Variants in GRID1 observed in about 807,000 individuals in gnomAD.
The protein encoded by GRID1 is glutamate ionotropic receptor delta type subunit 1.
GRID1 carries 28 observed loss-of-function variants against 98.0 expected under a neutral mutation model. The observed-to-expected ratio is 0.29, with a 90% CI of 0.21 to 0.39. The LOEUF (loss-of-function observed/expected upper bound fraction) is 0.39, where lower values mean the gene tolerates loss of function less well. GRID1 is among the 10% of genes least tolerant of loss of function. GRID1 has a pLI of 1.00. For synonymous variants in GRID1, 553 were observed against 538.5 expected, an observed-to-expected ratio of 1.03 and a Z score of -0.37; for missense variants, 1,111 against 1,340.5, an observed-to-expected ratio of 0.83 and a Z score of 2.67.
chr10:86,174,769 T>A (rs1455568555), intron 3 of GRID1, among the ~76,000 whole-genome samples: 1 of 150,152 alleles, frequency 6.7e-6, no homozygotes, highest in East Asian at 1.9e-4. Flanking sequence ...ATCCAGAATC[T>A]ACAATGAACT....
At chr10:86,289,961 A>T (rs1366811445) in intron 2 of GRID1, among the ~76,000 whole-genome samples, 1 of 152,200 alleles carries the variant, frequency 6.6e-6, no homozygotes, top group Admixed American at 6.5e-5. Flanking sequence ...GAGTCAAGCC[A>T]ATGAGAGAAG....
In GRID1 at chr10:85,963,672, G is replaced by A. The variant is rs1477341580; in HGVS notation, c.727-47433C>T. ...CTACTCCTTCACCATGATTCTCCTG[G>A]TCACACCTTGCCTCAAAGGTAGATA... On this transcript the variant is annotated intron_variant, in intron 4 of 15. Transcript: ENST00000327946. Among the ~76,000 whole-genome samples, 4 of 152,022 alleles carry A rather than the reference G, an allele frequency of 2.6e-5. No individual in the cohort carries two copies. In the East Asian group the frequency reaches 5.8e-4, roughly 22 times the overall value.
chr10:85,888,555 G>A (rs1841149775), intron 5 of GRID1, among the ~76,000 whole-genome samples: 1 of 152,140 alleles, frequency 6.6e-6, no homozygotes, highest in Non-Finnish European at 1.5e-5. Context: ...ATAAGCACAA[G>A]GTGGACATCT....
intron 4 of GRID1, among the ~76,000 whole-genome samples, chr10:86,051,847 A>G (rs889029601): frequency 2.0e-5 from 3 of 152,262 alleles, no homozygotes; most frequent in Admixed American, 6.5e-5. Context: ...GGGAATATAA[A>G]TTGGCACAAC....
intron 4 of GRID1, among the ~76,000 whole-genome samples, chr10:86,066,108 C>T (rs945136673): frequency 1.3e-5 from 2 of 152,148 alleles, no homozygotes; most frequent in African/African-American, 4.8e-5. Context: ...GGGGGAAGAG[C>T]GGTATTAAGA....
chr10:85,998,200 T>G (rs887394235), intron 4 of GRID1, among the ~76,000 whole-genome samples: 1 of 152,172 alleles, frequency 6.6e-6, no homozygotes, highest in African/African-American at 2.4e-5. Context: ...ATATGCTTTT[T>G]TATCAAGAGC....
chr10:86,295,512 A>G (rs999861819), intron 2 of GRID1, among the ~76,000 whole-genome samples: 6 of 152,142 alleles, frequency 3.9e-5, no homozygotes, highest in African/African-American at 1.2e-4. Context: ...AGTGAACTAT[A>G]TAGGGAACAA....
At chr10:85,777,154 C>T (rs1206622980) in intron 8 of GRID1, among the ~76,000 whole-genome samples, 2 of 152,172 alleles carry the variant, frequency 1.3e-5, no homozygotes, top group Non-Finnish European at 2.9e-5. Flanking sequence ...CTCTGGCCTA[C>T]CAACCATGCC....
chr10:85,693,632 A>G (rs1019571979), intron 12 of GRID1, among the ~76,000 whole-genome samples: 6 of 152,218 alleles, frequency 3.9e-5, no homozygotes, highest in Non-Finnish European at 7.4e-5. Flanking sequence ...ATAAAGCCAC[A>G]TATCTACATC....
intron 2 of GRID1, among the ~76,000 whole-genome samples, chr10:86,295,869 A>G (rs1250335456): frequency 1.3e-5 from 2 of 152,168 alleles, no homozygotes; most frequent in African/African-American, 4.8e-5. Context: ...CACCAACAAG[A>G]TCTAGAAAGC....
rs114684535 is a variant in GRID1 at position 86,363,768 on chromosome 10, G to A, written c.235+173C>T. On this transcript the variant is annotated intron_variant, in intron 2 of 15. Coordinates refer to ENST00000327946, the MANE Select transcript of GRID1 (RefSeq NM_017551.3). Reference sequence around the variant, plus strand: ...CCGGCCCGCAGCGCAGAGCAGTCCCGGCGCCGCTGCCTAGGTGGGCCGGGG... The same window carrying A: ...CCGGCCCGCAGCGCAGAGCAGTCCCAGCGCCGCTGCCTAGGTGGGCCGGGG... Among the ~76,000 whole-genome samples the A allele has an allele frequency of 9.2e-3, 1,403 of 152,306 alleles. 15 individuals are homozygous for A. Among genetic ancestry groups the A allele is most frequent in the South Asian group, 0.022 (108 of 4,826 alleles).
chr10:85,916,113 G>T lies in GRID1; in HGVS notation c.780+73C>A. 4 of 1,153,984 alleles carry T rather than the reference G, an allele frequency of 3.5e-6. No individual in the cohort carries two copies. Among genetic ancestry groups the T allele is most frequent in the South Asian group, 2.5e-5 (2 of 79,398 alleles). 71.5% of individuals were successfully genotyped at this position (1,153,984 alleles called of 1,614,324 possible). ...CCCTAAGTCAGAATTGAACTGAAAAGAATCACACTGAGCTTTACAAGGGGC... is the reference window on the plus strand; with the variant it reads ...CCCTAAGTCAGAATTGAACTGAAAATAATCACACTGAGCTTTACAAGGGGC... On this transcript the variant is annotated intron_variant, in intron 5 of 15. Coordinates refer to ENST00000327946, the MANE Select transcript of GRID1 (RefSeq NM_017551.3). The surrounding 1 kb of genome is among the most constrained non-coding windows in gnomAD (Gnocchi z 4.0).
chr10:86,291,262 G>T (rs1231299634), intron 2 of GRID1, among the ~76,000 whole-genome samples: 2 of 152,186 alleles, frequency 1.3e-5, no homozygotes, highest in African/African-American at 4.8e-5. Flanking sequence ...GGAAGGGGAT[G>T]AGACCCCCAC....
intron 4 of GRID1, among the ~76,000 whole-genome samples, chr10:86,098,820 T>C (rs1026284267): frequency 6.6e-6 from 1 of 152,242 alleles, no homozygotes; most frequent in Non-Finnish European, 1.5e-5. Context: ...ATCATGTTCT[T>C]TGCACGTTTA....
intron 2 of GRID1, among the ~76,000 whole-genome samples, chr10:86,263,522 G>A (rs1236984877): frequency 1.3e-5 from 2 of 152,202 alleles, no homozygotes; most frequent in Admixed American, 1.3e-4. Context: ...CGCCCCCTTC[G>A]CCAGCACCTA....
chr10:85,774,847 G>A (rs1842312887), intron 8 of GRID1, among the ~76,000 whole-genome samples: 1 of 151,054 alleles, frequency 6.6e-6, no homozygotes, highest in Non-Finnish European at 1.5e-5. Context: ...AGAGGATGTG[G>A]AGAAATAGGA....
chr10:85,687,242 A>C (rs1841279563), intron 12 of GRID1, among the ~76,000 whole-genome samples: 1 of 149,836 alleles, frequency 6.7e-6, no homozygotes. Flanking sequence ...CTCAAAGTCA[A>C]GTAAAAAAAA....
At chr10:85,964,085 G>A (rs1486096564) in intron 4 of GRID1, among the ~76,000 whole-genome samples, 1 of 152,166 alleles carries the variant, frequency 6.6e-6, no homozygotes, top group African/African-American at 2.4e-5. Flanking sequence ...AAAGGGATAT[G>A]AAGGATCTCT....
At chr10:86,295,724 A>T (rs981465322) in intron 2 of GRID1, among the ~76,000 whole-genome samples, 1 of 152,148 alleles carries the variant, frequency 6.6e-6, no homozygotes, top group East Asian at 1.9e-4. Flanking sequence ...ACTGCAGTTC[A>T]TACCTGAGCT....
Sources: allele counts gnomAD v4.1 joint callset (sites outside exome capture counted in the v4.1 genomes callset), GRCh38; gene constraint gnomAD v4.1.1; non-coding constraint Gnocchi (gnomAD v3.1); transcripts MANE v1.5; gene names NCBI Gene and HGNC (gene_info 2026-07-23, HGNC 2026-07-21).